Variants in UBR3 observed in about 807,000 individuals in gnomAD.
The protein encoded by UBR3 is ubiquitin protein ligase E3 component n-recognin 3, also known as E3 ubiquitin-protein ligase UBR3.
Under a neutral mutation model 243.2 loss-of-function variants are expected in UBR3, and 85 were observed. That is an observed-to-expected ratio of 0.35 (90% CI 0.29 to 0.42). UBR3 has a LOEUF of 0.42. Among genes scored for constraint, UBR3 ranks in the 10% least tolerant of loss-of-function variants. The pLI is 1.00. For synonymous variants in UBR3, 748 were observed against 799.8 expected (o/e 0.94, Z 1.09); for missense variants, 1,686 against 2,300.8 (o/e 0.73, Z 5.47).
intron 11 of UBR3, among the ~76,000 whole-genome samples, chr2:169,920,578 T>G (rs991871490): frequency 4.6e-5 from 7 of 152,174 alleles, no homozygotes; most frequent in Non-Finnish European, 8.8e-5. Flanking sequence ...GTCGCCTGCC[T>G]TTGCTTTGCC....
intron 33 of UBR3, among the ~76,000 whole-genome samples, chr2:170,056,003 C>CTTTTTTTTTTTTTTTT (rs34415442): frequency 1.1e-5 from 1 of 88,916 alleles, no homozygotes; most frequent in Non-Finnish European, 2.2e-5. Flanking sequence ...TCTTTTCTTT[C>CTTTTTTTTTTTTTTTT]TTTTTTTTTT....
At chr2:169,943,848 G>T (rs928855415) in intron 20 of UBR3, among the ~76,000 whole-genome samples, 2 of 151,954 alleles carry the variant, frequency 1.3e-5, no homozygotes, top group African/African-American at 4.8e-5. Flanking sequence ...TATTTAGTTA[G>T]GTAGGAATTT....
chr2:170,079,447 A>G (rs2091870047), intron 36 of UBR3, among the ~76,000 whole-genome samples: 1 of 152,234 alleles, frequency 6.6e-6, no homozygotes, highest in Non-Finnish European at 1.5e-5. Context: ...GGTTTTAAAA[A>G]ATACGTAACT....
chr2:169,990,452 G>A (rs1451639826), intron 25 of UBR3, among the ~76,000 whole-genome samples: 1 of 152,010 alleles, frequency 6.6e-6, no homozygotes, highest in Non-Finnish European at 1.5e-5. Flanking sequence ...TTCAGAAAGA[G>A]CAGTTAGTTT....
At chr2:169,890,225 A>T (rs2084274294) in intron 5 of UBR3, among the ~76,000 whole-genome samples, 1 of 152,072 alleles carries the variant, frequency 6.6e-6, no homozygotes, top group Non-Finnish European at 1.5e-5. Context: ...TTCCTCCCCA[A>T]GAGGTGCACC....
intron 36 of UBR3, among the ~76,000 whole-genome samples, chr2:170,073,871 G>A (rs1372227540): frequency 6.6e-6 from 1 of 152,122 alleles, no homozygotes; most frequent in Non-Finnish European, 1.5e-5. Flanking sequence ...CATAGGATTA[G>A]ACTTGGTAGA....
chr2:169,878,937 T>C (rs2083717837), intron 5 of UBR3, among the ~76,000 whole-genome samples: 1 of 152,146 alleles, frequency 6.6e-6, no homozygotes, highest in African/African-American at 2.4e-5. Context: ...TTTTGAAAAT[T>C]TCGCTAAGTT....
In UBR3 at chr2:169,868,713, TA is replaced by T. The variant is rs2083336974; in HGVS notation, c.546-3521del. ...AAATAACCACTAACATTTTCTTGTA[TA>T]ACCACAATGGCATTATCACACTAAT... On this transcript the variant is annotated intron_variant, in intron 1 of 38. Coordinates refer to ENST00000272793, the MANE Select transcript of UBR3 (RefSeq NM_172070.4). Among the ~76,000 whole-genome samples the T allele has an allele frequency of 2.0e-5, 3 of 152,248 alleles. No individual in the cohort carries two copies. In the South Asian group the frequency reaches 6.2e-4, roughly 31 times the overall value.
intron 35 of UBR3, among the ~76,000 whole-genome samples, chr2:170,063,850 A>G (rs536253180): frequency 3.3e-5 from 5 of 152,298 alleles, no homozygotes; most frequent in Admixed American, 3.3e-4. Context: ...TAATATAAAG[A>G]TTTCTTTAAT....
At chr2:169,939,069 A>G (rs183244446) in intron 19 of UBR3, among the ~76,000 whole-genome samples, 2 of 152,038 alleles carry the variant, frequency 1.3e-5, no homozygotes, top group East Asian at 3.9e-4. Flanking sequence ...ATATTTAATG[A>G]TTAAAAAAAT....
At chr2:169,914,254 G>A in intron 11 of UBR3, 108 bp downstream of exon 11, 3 of 498,758 alleles carry the variant, frequency 6.0e-6, no homozygotes, top group Non-Finnish European at 9.6e-6. Flanking sequence ...TTTCATAGGC[G>A]AGGGAAGGAA....
rs200711897 is a variant in UBR3 at position 169,914,138 on chromosome 2, G to A, written c.1858G>A (p.Val620Ile). 2.3e-5 allele frequency: 35 copies of A among 1,495,738 alleles called. No homozygotes were observed. Among genetic ancestry groups the A allele is most frequent in the Non-Finnish European group, 2.8e-5 (31 of 1,120,228 alleles). The allele number at this position is 1,495,738 out of a possible 1,614,324, so 92.7% of individuals were successfully genotyped here. ...LQDWFDAINFVDEPAPNQVTF... is the reference protein window; with the variant it reads ...LQDWFDAINFIDEPAPNQVTF... ...AGACTGGTTTGATGCTATTAACTTC[G>A]TAGACGAGGTATGTATATTTTTGAT... is the stretch of plus-strand genomic sequence containing the variant. The change falls in exon 11 of 39, where the codon GTA (valine) becomes ATA (isoleucine). Residue 620 changes from valine to isoleucine, a missense_variant. Coordinates refer to ENST00000272793, the MANE Select transcript of UBR3 (RefSeq NM_172070.4).
At chr2:169,910,902 T>G (rs190615307) in intron 10 of UBR3, among the ~76,000 whole-genome samples, 6 of 152,278 alleles carry the variant, frequency 3.9e-5, no homozygotes, top group African/African-American at 1.4e-4. Flanking sequence ...CCAAAGCTTT[T>G]TAGCTGCAGT....
chr2:169,994,577 A>G, intron 26 of UBR3, 121 bp downstream of exon 26: 1 of 1,087,956 alleles, frequency 9.2e-7, no homozygotes, highest in Non-Finnish European at 1.3e-6. Context: ...TTTATTAGAA[A>G]AAAATTAATA....
chr2:169,931,660 A>G (rs2086137644), intron 18 of UBR3, among the ~76,000 whole-genome samples: 1 of 152,102 alleles, frequency 6.6e-6, no homozygotes, highest in Admixed American at 6.5e-5. Context: ...TGGTTTCTAA[A>G]ATTATTATCT....
At chr2:169,885,817 T>C (rs1574122817) in intron 5 of UBR3, among the ~76,000 whole-genome samples, 2 of 151,880 alleles carry the variant, frequency 1.3e-5, no homozygotes, top group Admixed American at 1.3e-4. Flanking sequence ...ATAGCAAAAG[T>C]AGGACAGTTG....
intron 1 of UBR3, among the ~76,000 whole-genome samples, chr2:169,871,743 CA>C (rs562559554): frequency 1.2e-3 from 110 of 94,924 alleles, no homozygotes; most frequent in Admixed American, 9.9e-4. Flanking sequence ...CCAAGACTCT[CA>C]AAAAAAAAAA....
chr2:169,969,560 T>G (rs925651989), intron 24 of UBR3, among the ~76,000 whole-genome samples: 8 of 151,390 alleles, frequency 5.3e-5, no homozygotes, highest in African/African-American at 1.7e-4. Context: ...TTTTTTTTTT[T>G]TTTTGTTAGA....
intron 36 of UBR3, among the ~76,000 whole-genome samples, chr2:170,075,879 T>C (rs1006669682): frequency 2.7e-5 from 4 of 150,448 alleles, no homozygotes; most frequent in African/African-American, 7.3e-5. Context: ...CCAGTTCTGA[T>C]TTAAAATAAG....
Sources: allele counts gnomAD v4.1 joint callset (sites outside exome capture counted in the v4.1 genomes callset), GRCh38; gene constraint gnomAD v4.1.1; transcripts MANE v1.5; gene names NCBI Gene and HGNC (gene_info 2026-07-23, HGNC 2026-07-21).